The following EXOC6B variants were observed in gnomAD, a reference collection of about 807,000 sequenced individuals.
The protein encoded by EXOC6B is exocyst complex component 6B.
In EXOC6B, 54 loss-of-function variants were observed where a neutral mutation model predicts 113.5. The observed-to-expected ratio is 0.48, with a 90% CI of 0.38 to 0.60. EXOC6B has a LOEUF of 0.60. Ranked by LOEUF, EXOC6B falls within the 20% of genes least tolerant of loss-of-function variation. EXOC6B has a pLI of 0.00. For synonymous variants in EXOC6B, 357 were observed against 339.0 expected, an observed-to-expected ratio of 1.05 and a Z score of -0.58; for missense variants, 797 against 977.5, an observed-to-expected ratio of 0.82 and a Z score of 2.46.
intron 1 of EXOC6B, among the ~76,000 whole-genome samples, chr2:72,805,622 CT>C (rs539228163): frequency 2.6e-5 from 4 of 151,494 alleles, no homozygotes; most frequent in Non-Finnish European, 4.4e-5. Flanking sequence ...ACCTCACATA[CT>C]TTTTTTTTGT....
chr2:72,238,612 G>A (rs1249722500), intron 20 of EXOC6B, among the ~76,000 whole-genome samples: 2 of 152,022 alleles, frequency 1.3e-5, no homozygotes, highest in African/African-American at 4.8e-5. Flanking sequence ...TGTGTGTGAT[G>A]GTATCTCTCT....
intron 20 of EXOC6B, among the ~76,000 whole-genome samples, chr2:72,200,831 A>G (rs2104332186): frequency 6.6e-6 from 1 of 152,302 alleles, no homozygotes. Context: ...TTTTTAATTA[A>G]AAAATAAAAA....
intron 18 of EXOC6B, among the ~76,000 whole-genome samples, chr2:72,408,940 T>C (rs951877246): frequency 7.9e-5 from 12 of 151,952 alleles, no homozygotes; most frequent in Non-Finnish European, 1.3e-4. Flanking sequence ...ACCTACAAAA[T>C]GGGAGAAAAT....
intron 18 of EXOC6B, among the ~76,000 whole-genome samples, chr2:72,427,034 T>C (rs1006090419): frequency 6.6e-6 from 1 of 152,086 alleles, no homozygotes; most frequent in Non-Finnish European, 1.5e-5. Context: ...TGCTCACCAC[T>C]CTTGCCAACA....
At chr2:72,292,184 TG>T (rs1685837931) in intron 20 of EXOC6B, among the ~76,000 whole-genome samples, 1 of 151,058 alleles carries the variant, frequency 6.6e-6, no homozygotes, top group Admixed American at 6.6e-5. Context: ...TGTGTGTGTG[TG>T]TGTGTGTGTG....
chr2:72,453,522 T>C (rs1697031451), intron 18 of EXOC6B, among the ~76,000 whole-genome samples: 1 of 152,170 alleles, frequency 6.6e-6, no homozygotes, highest in African/African-American at 2.4e-5. Flanking sequence ...ATGTTTGCAA[T>C]AATTTGTCTT....
chr2:72,748,125 G>A (rs1381506323), intron 1 of EXOC6B, among the ~76,000 whole-genome samples: 1 of 152,148 alleles, frequency 6.6e-6, no homozygotes, highest in South Asian at 2.1e-4. Context: ...TTTCTGTTGA[G>A]ATGTTTTCAG....
intron 20 of EXOC6B, among the ~76,000 whole-genome samples, chr2:72,185,622 T>C (rs1305343495): frequency 6.6e-6 from 1 of 152,198 alleles, no homozygotes. Context: ...GTCATGCCTA[T>C]TTTCATTAGC....
intron 20 of EXOC6B, among the ~76,000 whole-genome samples, chr2:72,212,581 C>T (rs1028726054): frequency 6.6e-6 from 1 of 152,134 alleles, no homozygotes; most frequent in Non-Finnish European, 1.5e-5. Flanking sequence ...TTGACTTAGA[C>T]AATAATGGAG....
At chr2:72,333,351 C>A (rs1243719993) in intron 20 of EXOC6B, among the ~76,000 whole-genome samples, 3 of 152,134 alleles carry the variant, frequency 2.0e-5, no homozygotes, top group African/African-American at 7.2e-5. Context: ...ACCAAAACCA[C>A]AAACTAGAGA....
In EXOC6B at chr2:72,379,884, G is replaced by T. The variant is rs1195269185; in HGVS notation, c.1981-14C>A. 2 of 1,584,028 alleles carry T rather than the reference G, an allele frequency of 1.3e-6. No individual in the cohort carries two copies. The highest frequency in any genetic ancestry group is 1.3e-5 in the African/African-American group (1 of 74,112). ...GGCCACCTTTCCCTGAAACACAAGA[G>T]TGTAAATCATAAAGTTAATGCATCT... On this transcript the variant is annotated splice_polypyrimidine_tract_variant and intron_variant, in intron 18 of 21. Transcript: ENST00000272427.
intron 18 of EXOC6B, among the ~76,000 whole-genome samples, chr2:72,401,550 T>C (rs1201620086): frequency 2.7e-4 from 6 of 21,978 alleles, no homozygotes; most frequent in African/African-American, 2.0e-3. Context: ...TATATGTGTA[T>C]ATATATATAT....
intron 20 of EXOC6B, among the ~76,000 whole-genome samples, chr2:72,187,327 G>A (rs1445388172): frequency 6.6e-6 from 1 of 151,960 alleles, no homozygotes; most frequent in South Asian, 2.1e-4. Context: ...TGGCAAGCAG[G>A]GGGCATATTT....
chr2:72,720,100 G>A (rs1679895789), intron 5 of EXOC6B, among the ~76,000 whole-genome samples: 1 of 151,998 alleles, frequency 6.6e-6, no homozygotes, highest in South Asian at 2.1e-4. Context: ...ACTGTGATAA[G>A]ATGCATATTA....
intron 20 of EXOC6B, among the ~76,000 whole-genome samples, chr2:72,293,473 C>T (rs1029419543): frequency 6.6e-6 from 1 of 151,986 alleles, no homozygotes; most frequent in Admixed American, 6.6e-5. Context: ...AACAGTAAAC[C>T]ATTAATGTTT....
chr2:72,658,811 A>G (rs188630732), intron 6 of EXOC6B, among the ~76,000 whole-genome samples: 48 of 152,266 alleles, frequency 3.2e-4, no homozygotes, highest in African/African-American at 1.0e-3. Context: ...AGATAAAAAC[A>G]AATAAACAAA....
intron 20 of EXOC6B, among the ~76,000 whole-genome samples, chr2:72,230,092 A>G (rs536251727): frequency 2.1e-4 from 32 of 149,422 alleles, no homozygotes; most frequent in African/African-American, 5.0e-4. Context: ...TCTCTGTGGG[A>G]AAAAAAAAGG....
At chr2:72,589,192 C>T (rs1359317366) in intron 6 of EXOC6B, among the ~76,000 whole-genome samples, 2 of 151,846 alleles carry the variant, frequency 1.3e-5, no homozygotes, top group Non-Finnish European at 2.9e-5. Context: ...TCTATATATT[C>T]ATTATTTTGA....
chr2:72,480,647 G>C lies in EXOC6B; in HGVS notation c.1769C>G (p.Thr590Ser), dbSNP rs1308523120. The C allele has an allele frequency of 4.4e-6, 7 of 1,587,362 alleles. No homozygotes were observed. Among genetic ancestry groups the C allele is most frequent in the Non-Finnish European group, 5.1e-6 (6 of 1,165,094 alleles). ...ITNVLPETVHTTKLYGTTTFK... is the reference protein window; with the variant it reads ...ITNVLPETVHSTKLYGTTTFK... ...AGTTGTGGTGCCATAGAGCTTGGTA[G>C]TGTGAACTGTCTCTGGAAGCACATT... The change falls in exon 17 of 22, where the codon ACT (threonine) becomes AGT (serine). Residue 590 changes from threonine (T) to serine (S), a missense_variant. Coordinates refer to ENST00000272427, the MANE Select transcript of EXOC6B (RefSeq NM_015189.3).
Sources: gnomAD v4.1 joint callset for allele counts (sites outside exome capture counted in the v4.1 genomes callset) on GRCh38, gnomAD v4.1.1 for gene constraint, MANE v1.5 for transcripts, NCBI Gene and HGNC (gene_info 2026-07-23, HGNC 2026-07-21) for gene names.